The following AQR variants were observed in gnomAD, a reference collection of about 807,000 sequenced individuals.
AQR encodes aquarius intron-binding spliceosomal factor, also known as RNA helicase aquarius.
A neutral mutation model predicts 180.5 loss-of-function variants in AQR; 61 were observed. The ratio of observed to expected loss-of-function variants is 0.34; its 90% CI spans 0.28 to 0.42. The LOEUF (loss-of-function observed/expected upper bound fraction) is 0.42. Ranked by LOEUF, AQR falls within the 10% of genes least tolerant of loss-of-function variation. The probability of loss-of-function intolerance (pLI) is 1.00; values close to 1 mark genes in which losing one functional copy is unlikely to be tolerated. For synonymous variants in AQR, 551 were observed against 588.8 expected, an observed-to-expected ratio of 0.94 and a Z score of 0.93; for missense variants, 1,281 against 1,798.3, an observed-to-expected ratio of 0.71 and a Z score of 5.20.
chr15:34,920,677 G>A (rs1893669695), intron 13 of AQR, among the ~76,000 whole-genome samples: 1 of 152,102 alleles, frequency 6.6e-6, no homozygotes, highest in Non-Finnish European at 1.5e-5. Flanking sequence ...TATTAATACC[G>A]GCAGGGCAAG....
At chr15:34,938,952 C>T (rs1047756934) in intron 8 of AQR, 139 bp from the exon 9 acceptor site, 20 of 602,114 alleles carry the variant, frequency 3.3e-5, no homozygotes, top group African/African-American at 3.2e-4. Context: ...CTTCAATATA[C>T]AGCTTCTTCT....
intron 3 of AQR, among the ~76,000 whole-genome samples, chr15:34,959,410 C>T (rs1387396093): frequency 6.6e-6 from 1 of 152,138 alleles, no homozygotes; most frequent in African/African-American, 2.4e-5. Flanking sequence ...TTGAACAATC[C>T]ACCCACCTCG....
Position 34,900,877 on chromosome 15 carries a change from G to T in AQR, c.2002-14C>A. ...CTCCAGCACAGCCTGTCAGTAAAAG[G>T]ACAGAAAAAGATTGTGTCAGTATGA... On this transcript the variant is annotated splice_polypyrimidine_tract_variant and intron_variant, in intron 19 of 34. Transcript: ENST00000156471. The T allele has an allele frequency of 6.4e-7, 1 of 1,573,380 alleles. No homozygotes were observed. The highest frequency in any genetic ancestry group is 8.6e-7 in the Non-Finnish European group (1 of 1,156,636).
At chr15:34,924,533 G>A (rs1336779102) in intron 13 of AQR, among the ~76,000 whole-genome samples, 1 of 151,786 alleles carries the variant, frequency 6.6e-6, no homozygotes, top group Non-Finnish European at 1.5e-5. Context: ...CCAAGTTCAA[G>A]CCATTCTCTT....
chr15:34,861,876 G>C (rs1892675987), intron 33 of AQR, among the ~76,000 whole-genome samples: 1 of 151,866 alleles, frequency 6.6e-6, no homozygotes, highest in Non-Finnish European at 1.5e-5. Context: ...TTTTTTAGTA[G>C]GGGTGGAGGG....
At chr15:34,890,433 A>G in intron 23 of AQR, 109 bp from the exon 24 acceptor site, 2 of 825,898 alleles carry the variant, frequency 2.4e-6, no homozygotes, top group Non-Finnish European at 3.9e-6. Flanking sequence ...ATATTAGGCC[A>G]TTTATAATTT....
Position 34,856,355 on chromosome 15 carries a change from A to C in AQR, c.*437T>G, listed in dbSNP as rs1034663740. 3.1e-5 allele frequency: 12 copies of C among 393,178 alleles called. No homozygotes were observed. In the South Asian group the frequency reaches 8.6e-4, roughly 28 times the overall value. The allele number at this position is 393,178 out of a possible 1,614,324, so 24.4% of individuals were successfully genotyped here. A position where few individuals can be genotyped will look rare whatever the true frequency, so the allele number is the denominator to read the frequency against. On this transcript the variant is annotated 3_prime_UTR_variant, in exon 35 of 35. Transcript: ENST00000156471. Reference sequence around the variant, plus strand: ...CATAAAGACAGCAAACAAAGGTAAGAAAAAAGGAAACAGAATTTAAGCATT... The same window carrying C: ...CATAAAGACAGCAAACAAAGGTAAGCAAAAAGGAAACAGAATTTAAGCATT...
Position 34,969,627 on chromosome 15 carries a change from C to T in AQR, c.-14G>A. On this transcript the variant is annotated 5_prime_UTR_variant, in exon 1 of 35. Transcript: ENST00000156471. ...AGGGGCTGCCATGGCAGCACTCTTC[C>T]CTCCACTCCAGTGGAAACTAAAGGA... The T allele has an allele frequency of 3.1e-6, 5 of 1,612,250 alleles. No homozygotes were observed. Among genetic ancestry groups the T allele is most frequent in the Non-Finnish European group, 4.2e-6 (5 of 1,179,846 alleles).
At chr15:34,886,389 T>A (rs541854098) in intron 25 of AQR, 137 bp downstream of exon 25, 1 of 764,748 alleles carries the variant, frequency 1.3e-6, no homozygotes, top group African/African-American at 1.8e-5. Context: ...CATTCATAAA[T>A]ATAGCACTTG....
intron 5 of AQR, among the ~76,000 whole-genome samples, chr15:34,946,743 C>G (rs1170167845): frequency 7.1e-6 from 1 of 141,006 alleles, no homozygotes; most frequent in African/African-American, 2.7e-5. Context: ...CCGCCCCGTC[C>G]GGGAGGGAGG....
chr15:34,916,774 A>C (rs1893596409), intron 15 of AQR, among the ~76,000 whole-genome samples: 1 of 151,938 alleles, frequency 6.6e-6, no homozygotes, highest in Admixed American at 6.6e-5. Context: ...ATTTGCAAGA[A>C]AAATAAAGAA....
At chr15:34,934,705 G>T in intron 9 of AQR, 70 bp from the exon 10 acceptor site, 2 of 1,023,088 alleles carry the variant, frequency 2.0e-6, no homozygotes, top group Non-Finnish European at 2.8e-6. Context: ...TCTGAAAACT[G>T]GCAGTTATTT....
chr15:34,908,298 G>T (rs750557157), intron 17 of AQR, among the ~76,000 whole-genome samples: 7 of 152,122 alleles, frequency 4.6e-5, no homozygotes, highest in Non-Finnish European at 1.0e-4. Context: ...TTAGCTGGGC[G>T]TGGTGGCGGG....
In AQR at chr15:34,855,091, C is replaced by G. The variant is rs3743122; in HGVS notation, c.*1701G>C. 0.63 allele frequency: 95,749 copies of G among 152,120 alleles called. 32,566 individuals carry two copies. Among genetic ancestry groups the G allele is most frequent in the Non-Finnish European group, 0.77 (52,244 of 68,008 alleles). 9.4% of individuals were successfully genotyped at this position (152,120 alleles called of 1,614,324 possible). A position where few individuals can be genotyped will look rare whatever the true frequency, so the allele number is the denominator to read the frequency against. On this transcript the variant is annotated 3_prime_UTR_variant, in exon 35 of 35. Coordinates refer to ENST00000156471, the MANE Select transcript of AQR (RefSeq NM_014691.3). ...CAAATAGACCTGGGTTTCCTAGTATCGCGTCCTTGGTATTTCACTCCTCTC... is the reference window on the plus strand; with the variant it reads ...CAAATAGACCTGGGTTTCCTAGTATGGCGTCCTTGGTATTTCACTCCTCTC...
intron 24 of AQR, among the ~76,000 whole-genome samples, chr15:34,887,072 C>A (rs1893071471): frequency 6.6e-6 from 1 of 150,674 alleles, no homozygotes. Flanking sequence ...TTGCAGTGAG[C>A]AGAGATGGCG....
intron 4 of AQR, among the ~76,000 whole-genome samples, chr15:34,949,293 G>GCCTGAGCCACTACACTGGA (rs1428820212): frequency 6.6e-6 from 1 of 151,790 alleles, no homozygotes; most frequent in East Asian, 2.0e-4. Context: ...ACTACACTGG[G>GCCTGAGCCACTACACTGGA]CCTTTAACTT....
intron 1 of AQR, among the ~76,000 whole-genome samples, chr15:34,965,601 G>C (rs2050306453): frequency 6.6e-6 from 1 of 152,134 alleles, no homozygotes; most frequent in Non-Finnish European, 1.5e-5. Flanking sequence ...AACCTGGGAG[G>C]TGGAGATTGC....
intron 13 of AQR, among the ~76,000 whole-genome samples, chr15:34,921,443 A>C (rs928206181): frequency 6.6e-6 from 1 of 151,966 alleles, no homozygotes; most frequent in Non-Finnish European, 1.5e-5. Flanking sequence ...CAAAAAAAAA[A>C]AAAAAAAAAA....
chr15:34,914,987 T>C (rs1337770898), intron 16 of AQR, 51 bp downstream of exon 16: 2 of 1,523,724 alleles, frequency 1.3e-6, no homozygotes, highest in Admixed American at 2.2e-5. Context: ...GACAGAAGTT[T>C]ATCAGTCACT....
Sources: allele counts gnomAD v4.1 joint callset (sites outside exome capture counted in the v4.1 genomes callset), GRCh38; gene constraint gnomAD v4.1.1; transcripts MANE v1.5; gene names NCBI Gene and HGNC (gene_info 2026-07-23, HGNC 2026-07-21).